Variants in LARGE1 observed in about 807,000 individuals in gnomAD.
LARGE1 encodes LARGE xylosyl- and glucuronyltransferase 1.
A neutral mutation model predicts 87.6 loss-of-function variants in LARGE1; 43 were observed. The ratio of observed to expected loss-of-function variants is 0.49; its 90% CI spans 0.38 to 0.63. LARGE1 has a LOEUF of 0.63. LARGE1 is among the 30% of genes least tolerant of loss of function. The pLI is 0.00. For missense variants in LARGE1, 802 were observed against 1,000.2 expected (o/e 0.80, Z 2.67); for synonymous variants, 434 against 394.6 (o/e 1.10, Z -1.18).
Position 33,385,446 on chromosome 22 carries a change from C to T in LARGE1, c.893-1142G>A, listed in dbSNP as rs1218772515. On this transcript the variant is annotated intron_variant, in intron 7 of 14. Transcript: ENST00000397394. ...GGGAGGCTGAGGCAGGAGAATCACT[C>T]GAACCTGGGAGGTGGAGGTTGCAGT... Among the ~76,000 whole-genome samples the T allele has an allele frequency of 2.9e-5, 4 of 136,034 alleles. 1 individual carries two copies. The highest frequency in any genetic ancestry group is 2.3e-4 in the Admixed American group (3 of 12,786). 89.2% of individuals were successfully genotyped at this position (136,034 alleles called of 152,430 possible).
chr22:33,895,311 C>G (rs955340816), intron 1 of LARGE1, among the ~76,000 whole-genome samples: 8 of 152,208 alleles, frequency 5.3e-5, no homozygotes, highest in African/African-American at 1.9e-4. Context: ...GAGTAGAAAA[C>G]TAGGATGGAA....
chr22:33,780,818 C>G (rs1185514431), intron 1 of LARGE1, among the ~76,000 whole-genome samples: 2 of 152,190 alleles, frequency 1.3e-5, no homozygotes, highest in African/African-American at 2.4e-5. Flanking sequence ...TTCAAAGTTA[C>G]AGAGTAAGTC....
chr22:33,481,019 A>G (rs2069297450), intron 6 of LARGE1, among the ~76,000 whole-genome samples: 1 of 152,146 alleles, frequency 6.6e-6, no homozygotes. Flanking sequence ...CTCATCATAA[A>G]TAATACTAAA....
intron 3 of LARGE1, among the ~76,000 whole-genome samples, chr22:33,646,990 A>C (rs558690719): frequency 1.3e-5 from 2 of 152,350 alleles, no homozygotes; most frequent in South Asian, 4.1e-4. Context: ...TGGCCTGCCA[A>C]AGTGCTGGGA....
At chr22:33,430,272 A>T (rs1446623919) in intron 7 of LARGE1, among the ~76,000 whole-genome samples, 1 of 152,136 alleles carries the variant, frequency 6.6e-6, no homozygotes, top group African/African-American at 2.4e-5. Flanking sequence ...ATCAAAGGAG[A>T]CTGACAACCA....
rs149054924 is a variant in LARGE1, at chr22:33,432,589, A to T, written c.788-324T>A. On this transcript the variant is annotated intron_variant, in intron 6 of 14. Transcript: ENST00000397394. ...CATTCATTCATTCATTCATTCATTC[A>T]TTCATTCATGCATGCATGCATGCAT... Among the ~76,000 whole-genome samples the T allele has an allele frequency of 4.2e-3, 618 of 145,924 alleles. 3 individuals are homozygous for T. The highest frequency in any genetic ancestry group is 0.038 in the Middle Eastern group (11 of 292).
At chr22:33,814,640 G>A (rs948994997) in intron 1 of LARGE1, among the ~76,000 whole-genome samples, 2 of 152,122 alleles carry the variant, frequency 1.3e-5, no homozygotes, top group African/African-American at 4.8e-5. Context: ...TTCTGCCCAA[G>A]AGTCCAGCCT....
chr22:33,522,510 G>A (rs2071657170), intron 6 of LARGE1, among the ~76,000 whole-genome samples: 1 of 152,032 alleles, frequency 6.6e-6, no homozygotes. Flanking sequence ...AGCAGCCTGG[G>A]CAACATAGGG....
chr22:33,382,576 G>A (rs549308412), intron 8 of LARGE1, among the ~76,000 whole-genome samples: 6 of 152,246 alleles, frequency 3.9e-5, no homozygotes, highest in African/African-American at 7.2e-5. Flanking sequence ...CCCAGGATAC[G>A]CACTCCCCGT....
chr22:33,380,153 T>C (rs1373216939), intron 9 of LARGE1, among the ~76,000 whole-genome samples: 1 of 152,232 alleles, frequency 6.6e-6, no homozygotes, highest in Non-Finnish European at 1.5e-5. Context: ...TATTTTTTAA[T>C]CCAGCATTTT....
At chr22:33,819,152 G>C (rs1217214650) in intron 1 of LARGE1, among the ~76,000 whole-genome samples, 1 of 152,178 alleles carries the variant, frequency 6.6e-6, no homozygotes, top group East Asian at 1.9e-4. Context: ...AACCACTTCA[G>C]AGTTCACACG....
rs377248292 is a variant in LARGE1 at position 33,813,247 on chromosome 22, G to A, written c.-82-51689C>T. ...GCCTGGGCAACAAGAGCAAAACTCCGTCTCAAGAAAAAAAAAAAAAAAAAT... is the reference window on the plus strand; with the variant it reads ...GCCTGGGCAACAAGAGCAAAACTCCATCTCAAGAAAAAAAAAAAAAAAAAT... On this transcript the variant is annotated intron_variant, in intron 1 of 14. Transcript: ENST00000397394. Among the ~76,000 whole-genome samples the A allele has an allele frequency of 1.3e-3, 178 of 132,618 alleles. No homozygotes were observed. In the East Asian group the frequency reaches 0.021, roughly 15 times the overall value. The allele number at this position is 132,618 out of a possible 152,430, so 87.0% of individuals were successfully genotyped here. A position where few individuals can be genotyped will look rare whatever the true frequency, so the allele number is the denominator to read the frequency against.
intron 1 of LARGE1, among the ~76,000 whole-genome samples, chr22:33,860,144 T>A (rs184806451): frequency 3.3e-4 from 50 of 151,632 alleles, no homozygotes; most frequent in Admixed American, 2.8e-3. Context: ...AATTTTAAAT[T>A]TTTTTTTAAA....
rs149296038 is a variant in LARGE1 at position 33,235,000 on chromosome 22, G to T, written c.1731-68168C>A. Among the ~76,000 whole-genome samples, 1,047 of 152,290 alleles carry T rather than the reference G, an allele frequency of 6.9e-3. 18 individuals carry two copies. Among genetic ancestry groups the T allele is most frequent in the African/African-American group, 0.023 (961 of 41,568 alleles). ...TCCAGACAACAAAACTGAGCTATGA[G>T]AAATTAAATAACTTGCATGAGGACT... On this transcript the variant is annotated intron_variant, in intron 11 of 11. Coordinates refer to the LARGE1 transcript ENST00000608642.
intron 11 of LARGE1, among the ~76,000 whole-genome samples, chr22:33,233,421 G>A (rs1462021884): frequency 6.6e-6 from 1 of 152,136 alleles, no homozygotes; most frequent in Non-Finnish European, 1.5e-5. Flanking sequence ...GTCTACAGGT[G>A]TCATATGTTT....
At chr22:33,323,061 G>C (rs1006996495) in intron 10 of LARGE1, among the ~76,000 whole-genome samples, 2 of 152,190 alleles carry the variant, frequency 1.3e-5, no homozygotes, top group African/African-American at 4.8e-5. Context: ...GGGGATGGTT[G>C]CAGTGAGCCG....
At chr22:33,705,407 A>T (rs1472395629) in intron 2 of LARGE1, among the ~76,000 whole-genome samples, 1 of 152,208 alleles carries the variant, frequency 6.6e-6, no homozygotes, top group African/African-American at 2.4e-5. Context: ...TCTTGTGATG[A>T]CCTGGCTCTC....
intron 1 of LARGE1, among the ~76,000 whole-genome samples, chr22:33,845,560 A>C (rs2063405867): frequency 6.6e-6 from 1 of 151,958 alleles, no homozygotes; most frequent in Non-Finnish European, 1.5e-5. Context: ...TACCCGCCTC[A>C]GCCTCCCAAA....
At chr22:33,849,488 T>C (rs1284776713) in intron 1 of LARGE1, among the ~76,000 whole-genome samples, 1 of 151,976 alleles carries the variant, frequency 6.6e-6, no homozygotes, top group African/African-American at 2.4e-5. Context: ...AGGGATGCGA[T>C]ACATTATTAA....
Sources: allele counts gnomAD v4.1 joint callset (sites outside exome capture counted in the v4.1 genomes callset), GRCh38; gene constraint gnomAD v4.1.1; transcripts MANE v1.5; gene names NCBI Gene and HGNC (gene_info 2026-07-23, HGNC 2026-07-21).